Variants in ITIH2 observed in about 807,000 individuals in gnomAD.
ITIH2 encodes the protein inter-alpha-trypsin inhibitor heavy chain 2.
A neutral mutation model predicts 104.4 loss-of-function variants in ITIH2; 103 were observed. The observed-to-expected ratio is 0.99, with a 90% CI of 0.84 to 1.16. The LOEUF (loss-of-function observed/expected upper bound fraction) is 1.16. ITIH2 is among the 50% of genes most tolerant of loss of function. The pLI is 0.00. For missense variants in ITIH2, 1,108 were observed against 1,162.4 expected, an observed-to-expected ratio of 0.95 and a Z score of 0.68; for synonymous variants, 436 against 435.4, an observed-to-expected ratio of 1.00 and a Z score of -0.02.
rs949849564 is a variant in ITIH2 at position 7,704,284 on chromosome 10, A to T, written c.84+766A>T. ...TAAAAATGCCAGAGAATATGACGGC[A>T]TATTTACAAAGGGAAAATATCACTC... is the stretch of plus-strand genomic sequence containing the variant. On this transcript the variant is annotated intron_variant, in intron 1 of 20. Coordinates refer to ENST00000358415, the MANE Select transcript of ITIH2 (RefSeq NM_002216.3). Among the ~76,000 whole-genome samples the T allele has an allele frequency of 1.3e-5, 2 of 152,258 alleles. 1 individual carries two copies. Among genetic ancestry groups the T allele is most frequent in the Admixed American group, 1.3e-4 (2 of 15,284 alleles).
At chr10:7,708,241 T>C (rs1834765382) in intron 3 of ITIH2, among the ~76,000 whole-genome samples, 1 of 152,240 alleles carries the variant, frequency 6.6e-6, no homozygotes, top group South Asian at 2.1e-4. Context: ...GGTCTCATAG[T>C]TGTCCATAGA....
chr10:7,703,418 C>A lies in ITIH2; in HGVS notation c.-17C>A. ...AGACCATCTGCTTTGGGGAGCTTGG[C>A]AAAACTGTCCAGCAAAATGAAAAGA... On this transcript the variant is annotated 5_prime_UTR_variant, in exon 1 of 21. Transcript: ENST00000358415. 6.2e-7 allele frequency: 1 copy of A among 1,606,550 alleles called. No individual in the cohort carries two copies. The highest frequency in any genetic ancestry group is 8.5e-7 in the Non-Finnish European group (1 of 1,173,126).
At chr10:7,721,047 G>C (rs2388323) in intron 7 of ITIH2, 84 bp downstream of exon 7, 52,895 of 891,362 alleles carry the variant, frequency 0.059, 1,931 homozygotes, top group Admixed American at 0.099. Flanking sequence ...CTGGAGAAGA[G>C]AAAAGCAGGC....
intron 4 of ITIH2, among the ~76,000 whole-genome samples, chr10:7,712,215 G>A (rs58097234): frequency 0.069 from 10,536 of 152,200 alleles, 480 homozygotes; most frequent in African/African-American, 0.13. Context: ...CGGGAAGTCC[G>A]AGATCAAGAT....
Position 7,708,693 on chromosome 10 carries a change from C to G in ITIH2, c.193-329C>G, listed in dbSNP as rs144018290. 3.2e-3 allele frequency among the ~76,000 whole-genome samples: 481 copies of G among 152,242 alleles called. 4 individuals are homozygous for G. The highest frequency in any genetic ancestry group is 0.01 in the African/African-American group (436 of 41,540). ...ATGGTCTTGCATTTGGAGTTATTAC[C>G]TGGACTTCCTCAATCCAATCTGGCT... On this transcript the variant is annotated intron_variant, in intron 3 of 20. Coordinates refer to ENST00000358415, the MANE Select transcript of ITIH2 (RefSeq NM_002216.3).
chr10:7,706,244 C>T (rs1834746334), intron 2 of ITIH2, among the ~76,000 whole-genome samples: 1 of 152,132 alleles, frequency 6.6e-6, no homozygotes, highest in South Asian at 2.1e-4. Flanking sequence ...AAGAGGTCAA[C>T]CATTGACCTC....
intron 9 of ITIH2, 96 bp from the exon 10 acceptor site, chr10:7,726,854 C>T: frequency 9.1e-7 from 1 of 1,095,112 alleles, no homozygotes; most frequent in Non-Finnish European, 1.3e-6. Context: ...TTGAGAAGAA[C>T]TTGAAAGATG....
chr10:7,732,265 G>A (rs1217227885), intron 13 of ITIH2, 73 bp from the exon 14 acceptor site: 4 of 1,475,192 alleles, frequency 2.7e-6, no homozygotes, highest in South Asian at 2.4e-5. Flanking sequence ...TTCGCAGCAG[G>A]TACTAAAAAT....
In ITIH2 at chr10:7,738,660, C is replaced by CTTTGG; in HGVS notation, c.1997_1998insTTTGG (p.Pro667LeufsTer13). 6.2e-7 allele frequency: 1 copy of CTTTGG among 1,613,970 alleles called. No individual in the cohort carries two copies. Among genetic ancestry groups the CTTTGG allele is most frequent in the Non-Finnish European group, 8.5e-7 (1 of 1,179,930 alleles). ...GGCAGCAAAGTGGTTCCAGATTCCA[C>CTTTGG]CCCGTCTTGGGCCAATCCTTCACCA... On this transcript the variant is annotated frameshift_variant, in exon 16 of 21. Coordinates refer to ENST00000358415, the MANE Select transcript of ITIH2 (RefSeq NM_002216.3). LOFTEE classifies it high-confidence loss of function.
chr10:7,722,394 C>T (rs1320488511), intron 8 of ITIH2, among the ~76,000 whole-genome samples: 3 of 152,110 alleles, frequency 2.0e-5, no homozygotes, highest in Non-Finnish European at 2.9e-5. Context: ...TTAGGTGAGC[C>T]AGTCATCAAG....
chr10:7,728,577 G>A (rs980334843), intron 11 of ITIH2, among the ~76,000 whole-genome samples: 76 of 144,062 alleles, frequency 5.3e-4, no homozygotes, highest in African/African-American at 1.8e-3. Flanking sequence ...TTTTTTTTTT[G>A]GAGAGACGAA....
intron 5 of ITIH2, among the ~76,000 whole-genome samples, chr10:7,714,883 C>G (rs1332677070): frequency 6.6e-6 from 1 of 152,160 alleles, no homozygotes; most frequent in Non-Finnish European, 1.5e-5. Context: ...TTCACATTCT[C>G]AGATTCAACC....
At chr10:7,727,902 G>T in intron 11 of ITIH2, 74 bp downstream of exon 11, 1 of 1,540,562 alleles carries the variant, frequency 6.5e-7, no homozygotes, top group African/African-American at 1.4e-5. Flanking sequence ...TGCCTAAAAG[G>T]GGAACTCTAA....
intron 18 of ITIH2, 102 bp downstream of exon 18, chr10:7,744,382 T>A: frequency 9.6e-7 from 1 of 1,037,182 alleles, no homozygotes; most frequent in Non-Finnish European, 1.4e-6. Context: ...ATCATCATTT[T>A]AAATATAAGG....
intron 8 of ITIH2, 70 bp downstream of exon 8, chr10:7,721,847 C>T: frequency 6.4e-7 from 1 of 1,572,920 alleles, no homozygotes; most frequent in Non-Finnish European, 8.7e-7. Flanking sequence ...TGAACAAACT[C>T]CCAGGCCTAT....
At position 7,717,782 on chromosome 10, in the gene ITIH2, C is replaced by G; in HGVS notation, c.624C>G (p.His208Gln). ...TGCAACCTGGACGGCTGGCCAAACA[C>G]TTAGAGGTAAGCCTGGATCTGTAGG... The part of the protein sequence containing the change: ...IYLQPGRLAK[H>Q]LEVDVWVIEP... Residue 208 changes from histidine to glutamine, a missense_variant, in exon 6 of 21, where the codon CAC (histidine) becomes CAG (glutamine). His to Gln is a conservative substitution (Grantham distance 24, BLOSUM62 0). Coordinates refer to ENST00000358415, the MANE Select transcript of ITIH2 (RefSeq NM_002216.3). 6.2e-7 allele frequency: 1 copy of G among 1,609,234 alleles called. No homozygotes were observed. Among genetic ancestry groups the G allele is most frequent in the Non-Finnish European group, 8.5e-7 (1 of 1,177,394 alleles).
intron 19 of ITIH2, 136 bp downstream of exon 19, chr10:7,745,099 G>A (rs914888245): frequency 1.7e-5 from 12 of 708,396 alleles, no homozygotes; most frequent in Non-Finnish European, 2.5e-5. Context: ...GCAGTGTGGG[G>A]TCGCTCGGGA....
intron 15 of ITIH2, among the ~76,000 whole-genome samples, chr10:7,737,223 T>C (rs1050095627): frequency 2.0e-5 from 3 of 151,098 alleles, no homozygotes; most frequent in Non-Finnish European, 2.9e-5. Flanking sequence ...ACTCTAGAAA[T>C]TGCCTTTCAA....
rs777394781 is a variant in ITIH2 at position 7,727,082 on chromosome 10, G to GC, written c.1119dup (p.Lys374GlnfsTer5). On this transcript the variant is annotated frameshift_variant, in exon 10 of 21. Transcript: ENST00000358415. LOFTEE classifies it high-confidence loss of function. ...AGCTACAAAAACACAGGTTGCAGAT[G>GC]CCAAGAGGTATATTGAGAAAATCCA... is the stretch of plus-strand genomic sequence containing the variant. 630 of 1,614,048 alleles carry GC rather than the reference G, an allele frequency of 3.9e-4. No homozygotes were observed. The highest frequency in any genetic ancestry group is 5.1e-4 in the Non-Finnish European group (602 of 1,180,004).
Sources: allele counts gnomAD v4.1 joint callset (sites outside exome capture counted in the v4.1 genomes callset), GRCh38; gene constraint gnomAD v4.1.1; transcripts MANE v1.5; gene names NCBI Gene and HGNC (gene_info 2026-07-23, HGNC 2026-07-21).